The following CTNNA2 variants were observed in gnomAD, a reference collection of about 807,000 sequenced individuals.
CTNNA2 encodes catenin alpha-2.
Under a neutral mutation model 101.0 loss-of-function variants are expected in CTNNA2, and 42 were observed. That is an observed-to-expected ratio of 0.42 (90% confidence interval 0.32 to 0.54). CTNNA2 has a LOEUF of 0.54. Ranked by LOEUF, CTNNA2 falls within the 20% of genes least tolerant of loss-of-function variation. The pLI is 0.14. For missense variants in CTNNA2, 871 were observed against 1,223.1 expected (o/e 0.71, Z 4.29); for synonymous variants, 450 against 456.4 (o/e 0.99, Z 0.18).
At chr2:80,647,439 CCTTAA>C (rs1379758669) in intron 18 of CTNNA2, 141 bp from the exon 19 acceptor site, 2 of 674,838 alleles carry the variant, frequency 3.0e-6, no homozygotes, top group Non-Finnish European at 4.8e-6. Context: ...ATTTTAAAAA[CCTTAA>C]CTTGTGATAA....
chr2:80,529,269 G>A (rs1358000348), intron 9 of CTNNA2, among the ~76,000 whole-genome samples: 1 of 152,120 alleles, frequency 6.6e-6, no homozygotes, highest in Non-Finnish European at 1.5e-5. Flanking sequence ...CTTTATAAGT[G>A]TAAAACCATT....
intron 3 of CTNNA2, among the ~76,000 whole-genome samples, chr2:79,372,280 G>A (rs1677889922): frequency 6.6e-6 from 1 of 152,124 alleles, no homozygotes; most frequent in African/African-American, 2.4e-5. Context: ...TCTTTCTAAA[G>A]TATTATTTTT....
At chr2:79,887,661 G>T (rs1461878710) in intron 6 of CTNNA2, among the ~76,000 whole-genome samples, 1 of 152,012 alleles carries the variant, frequency 6.6e-6, no homozygotes, top group Non-Finnish European at 1.5e-5. Flanking sequence ...TGCTTAGCAT[G>T]CTCTTTTTAC....
At chr2:80,381,400 T>G (rs1676502076) in intron 7 of CTNNA2, among the ~76,000 whole-genome samples, 1 of 152,184 alleles carries the variant, frequency 6.6e-6, no homozygotes, top group South Asian at 2.1e-4. Flanking sequence ...CTTATTTCTG[T>G]GCTAGTTCCC....
intron 2 of CTNNA2, among the ~76,000 whole-genome samples, chr2:79,716,472 C>T (rs1474207760): frequency 6.6e-6 from 1 of 152,144 alleles, no homozygotes; most frequent in African/African-American, 2.4e-5. Flanking sequence ...TCTCCCTTCC[C>T]CCACACTCCC....
At chr2:79,189,036 A>AC (rs2104155947) in intron 1 of CTNNA2, among the ~76,000 whole-genome samples, 1 of 152,294 alleles carries the variant, frequency 6.6e-6, no homozygotes, top group African/African-American at 2.4e-5. Flanking sequence ...CGTATGTTTA[A>AC]CAAATACTTG....
intron 2 of CTNNA2, among the ~76,000 whole-genome samples, chr2:79,223,190 C>A (rs4853444): frequency 0.22 from 33,994 of 151,800 alleles, 4,659 homozygotes; most frequent in African/African-American, 0.39. Flanking sequence ...TACAAGAGGA[C>A]CCAGAGAGCT....
In CTNNA2 at chr2:80,233,294, C is replaced by T. The variant is rs114980937; in HGVS notation, c.1057-159917C>T. On this transcript the variant is annotated intron_variant, in intron 7 of 18. Transcript: ENST00000402739. ...AGCAGAGTGCTCTTCCACAAAGTTG[C>T]CCATGTGAGAAGCAATCCCACCGAA... Among the ~76,000 whole-genome samples, 1,244 of 152,222 alleles carry T rather than the reference C, an allele frequency of 8.2e-3. 9 individuals are homozygous for T. The highest frequency in any genetic ancestry group is 0.028 in the African/African-American group (1,151 of 41,520).
chr2:80,452,836 A>G (rs1683631019), intron 9 of CTNNA2, among the ~76,000 whole-genome samples: 1 of 147,196 alleles, frequency 6.8e-6, no homozygotes, highest in Non-Finnish European at 1.5e-5. Context: ...GATAAGATCT[A>G]TCATTTAGAT....
Position 79,277,074 on chromosome 2 carries a change from T to C in CTNNA2, c.-405-35635T>C, listed in dbSNP as rs1558597078. On this transcript the variant is annotated intron_variant, in intron 2 of 21. Transcript: ENST00000466387. ...CTTTGAATCTCAGACCAGAGAGCCA[T>C]GGAGGAGCTGTCTCAGCAAAAGATA... Among the ~76,000 whole-genome samples the C allele has an allele frequency of 2.6e-5, 4 of 152,174 alleles. No homozygotes were observed. The East Asian group carries it at 5.8e-4, about 22-fold the overall frequency.
intron 3 of CTNNA2, among the ~76,000 whole-genome samples, chr2:79,785,822 C>G (rs1458561263): frequency 2.0e-5 from 3 of 152,084 alleles, no homozygotes; most frequent in African/African-American, 7.2e-5. Flanking sequence ...AACTACAGTA[C>G]TTACTAGATC....
At chr2:79,865,217 A>C (rs1681948347) in intron 4 of CTNNA2, among the ~76,000 whole-genome samples, 1 of 152,190 alleles carries the variant, frequency 6.6e-6, no homozygotes, top group South Asian at 2.1e-4. Flanking sequence ...TTAATCAAGA[A>C]GACCAACTTA....
intron 4 of CTNNA2, among the ~76,000 whole-genome samples, chr2:79,867,717 A>G (rs1682248224): frequency 6.6e-6 from 1 of 152,188 alleles, no homozygotes; most frequent in African/African-American, 2.4e-5. Context: ...ACACCGTAAA[A>G]TAAGTATTCC....
intron 7 of CTNNA2, among the ~76,000 whole-genome samples, chr2:79,943,949 T>C (rs1018331210): frequency 2.0e-5 from 3 of 152,200 alleles, no homozygotes; most frequent in Non-Finnish European, 2.9e-5. Flanking sequence ...AGATATAATA[T>C]ACTTAAGGAT....
At chr2:79,744,686 G>A (rs564459787) in intron 3 of CTNNA2, 104 bp downstream of exon 3, 21 of 1,125,492 alleles carry the variant, frequency 1.9e-5, no homozygotes, top group African/African-American at 1.7e-4. Flanking sequence ...GAAGTCTTAC[G>A]TTTTTTTCCT....
intron 3 of CTNNA2, among the ~76,000 whole-genome samples, chr2:79,850,275 CCTT>C (rs1180759585): frequency 6.5e-5 from 8 of 124,030 alleles, no homozygotes; most frequent in Non-Finnish European, 1.0e-4. Context: ...CTCCTTCCCT[CCTT>C]TTCTCCTTCC....
chr2:79,231,219 C>T (rs1674487825), intron 2 of CTNNA2, among the ~76,000 whole-genome samples: 1 of 152,208 alleles, frequency 6.6e-6, no homozygotes, highest in Admixed American at 6.5e-5. Flanking sequence ...TGAATTGTAT[C>T]TCCCAAAATT....
At chr2:79,900,054 A>G (rs1684976671) in intron 6 of CTNNA2, among the ~76,000 whole-genome samples, 1 of 152,222 alleles carries the variant, frequency 6.6e-6, no homozygotes, top group Admixed American at 6.5e-5. Context: ...CGGTTAATTT[A>G]TTTAAATGAT....
At chr2:80,528,839 T>C (rs1690271181) in intron 9 of CTNNA2, among the ~76,000 whole-genome samples, 1 of 152,198 alleles carries the variant, frequency 6.6e-6, no homozygotes, top group East Asian at 1.9e-4. Context: ...TAACATATTC[T>C]TTGGAACATT....
Sources: allele counts gnomAD v4.1 joint callset (sites outside exome capture counted in the v4.1 genomes callset), GRCh38; gene constraint gnomAD v4.1.1; transcripts MANE v1.5; gene names NCBI Gene and HGNC (gene_info 2026-07-23, HGNC 2026-07-21).